Variants in OR10K2 observed in about 807,000 individuals in gnomAD.
The protein encoded by OR10K2 is olfactory receptor 10K2.
For missense variants in OR10K2, 401 were observed against 367.1 expected, an observed-to-expected ratio of 1.09 and a Z score of -0.76; for synonymous variants, 169 against 146.4, an observed-to-expected ratio of 1.15 and a Z score of -1.11.
rs2101649590 is a variant in OR10K2 at position 158,425,868 on chromosome 1, T to C, written c.-62+65A>G. 1.3e-5 allele frequency: 2 copies of C among 152,260 alleles called. 1 individual carries two copies. The highest frequency in any genetic ancestry group is 4.1e-4 in the South Asian group (2 of 4,832). The allele number at this position is 152,260 out of a possible 1,614,324, so 9.4% of individuals were successfully genotyped here. On this transcript the variant is annotated intron_variant, in intron 1 of 1. Transcript: ENST00000641042. Reference sequence around the variant, plus strand: ...TTAACATTATTTGATGTACTTTTAATTGTGAGTCTCTCTTTCTGTTATTGG... The same window carrying C: ...TTAACATTATTTGATGTACTTTTAACTGTGAGTCTCTCTTTCTGTTATTGG...
At position 158,420,255 on chromosome 1, in the gene OR10K2, T is replaced by G; in HGVS notation, c.612A>C (p.Thr204=). 13 of 1,613,720 alleles carry G rather than the reference T, an allele frequency of 8.1e-6. No individual in the cohort carries two copies. The highest frequency in any genetic ancestry group is 1.1e-5 in the Non-Finnish European group (13 of 1,179,866). The stretch of plus-strand genomic sequence containing the variant: ...ACAATAAGGGGATAGCCAGGACCAA[T>G]GTACAGAGCATGAAGATGACAATCT... ...FSQIVIFMLC[T]LVLAIPLLLI... The change falls in exon 2 of 2, where the codon ACA becomes ACC. Residue 204 remains threonine, a synonymous_variant. Transcript: ENST00000641042.
At position 158,420,544 on chromosome 1, in the gene OR10K2, C is replaced by T; in HGVS notation, c.323G>A (p.Gly108Asp). ...TGCCAGCAGAAAGGAGTGAGAGCAG[C>T]CAAGGAAGAGGAAGGAAAACATTTG... ...AIQMFSFLFL[G>D]CSHSFLLAVM... The change falls in exon 2 of 2, where the codon GGC becomes GAC. Residue 108 changes from glycine to aspartate, a missense_variant. Transcript: ENST00000641042. The T allele has an allele frequency of 1.2e-6, 2 of 1,613,676 alleles. No individual in the cohort carries two copies. The highest frequency in any genetic ancestry group is 1.7e-4 in the Middle Eastern group (1 of 6,058).
Position 158,418,879 on chromosome 1 carries a change from A to G in OR10K2, c.*1049T>C, listed in dbSNP as rs1655088722. On this transcript the variant is annotated 3_prime_UTR_variant, in exon 2 of 2. Transcript: ENST00000641042. ...CTTGAGTTGCATGGAGAACAGATTG[A>G]TTGTTCCATATGCAAAGCTTTCCAC... is the stretch of plus-strand genomic sequence containing the variant. The G allele has an allele frequency of 1.3e-5, 2 of 152,122 alleles. No homozygotes were observed. Among genetic ancestry groups the G allele is most frequent in the South Asian group, 4.1e-4 (2 of 4,832 alleles). The allele number at this position is 152,122 out of a possible 1,614,324, so 9.4% of individuals were successfully genotyped here.
At chr1:158,421,891 T>C (rs1655164851) in intron 1 of OR10K2, among the ~76,000 whole-genome samples, 1 of 152,124 alleles carries the variant, frequency 6.6e-6, no homozygotes, top group Non-Finnish European at 1.5e-5. Flanking sequence ...TGCCCAAATA[T>C]GTTCTGGACT....
intron 1 of OR10K2, among the ~76,000 whole-genome samples, chr1:158,424,336 A>T (rs1655212452): frequency 6.6e-6 from 1 of 151,996 alleles, no homozygotes; most frequent in Non-Finnish European, 1.5e-5. Context: ...TGTTGAGGTC[A>T]CACACTCAAA....
Position 158,419,638 on chromosome 1 carries a change from A to C in OR10K2, c.*290T>G. 6.1e-6 allele frequency: 1 copy of C among 163,932 alleles called. No homozygotes were observed. The highest frequency in any genetic ancestry group is 2.6e-5 in the African/African-American group (1 of 37,764). 10.2% of individuals were successfully genotyped at this position (163,932 alleles called of 1,614,324 possible). On this transcript the variant is annotated 3_prime_UTR_variant, in exon 2 of 2. Transcript: ENST00000641042. Reference sequence around the variant, plus strand: ...TTTTTTTTTTTTTTTTTTTTGAGACAGAGTCTTACTCTGTCGCCCAGGCTG... The same window carrying C: ...TTTTTTTTTTTTTTTTTTTTGAGACCGAGTCTTACTCTGTCGCCCAGGCTG...
Position 158,419,825 on chromosome 1 carries a change from T to C in OR10K2, c.*103A>G. On this transcript the variant is annotated 3_prime_UTR_variant, in exon 2 of 2. Transcript: ENST00000641042. Reference sequence around the variant, plus strand: ...TAGGATTTCACTATGTTGGCCAGGCTGGTCTTGAAGTCCTGACCTCAGGTG... The same window carrying C: ...TAGGATTTCACTATGTTGGCCAGGCCGGTCTTGAAGTCCTGACCTCAGGTG... 1.2e-6 allele frequency: 1 copy of C among 857,708 alleles called. No individual in the cohort carries two copies. The allele number at this position is 857,708 out of a possible 1,614,324, so 53.1% of individuals were successfully genotyped here.
chr1:158,423,355 C>T (rs186582809), intron 1 of OR10K2, among the ~76,000 whole-genome samples: 1 of 151,600 alleles, frequency 6.6e-6, no homozygotes, highest in Admixed American at 6.6e-5. Context: ...AAATTTTCCT[C>T]TCACAAGCAC....
intron 1 of OR10K2, among the ~76,000 whole-genome samples, chr1:158,423,639 C>G (rs912201855): frequency 6.6e-6 from 1 of 151,898 alleles, no homozygotes; most frequent in South Asian, 2.1e-4. Flanking sequence ...GTATTGGTAT[C>G]AGAAATATTT....
At chr1:158,421,242 A>C (rs867794535) in intron 1 of OR10K2, among the ~76,000 whole-genome samples, 1 of 151,258 alleles carries the variant, frequency 6.6e-6, no homozygotes, top group Non-Finnish European at 1.5e-5. Flanking sequence ...TATTCTCTCA[A>C]AAAAAAAATC....
chr1:158,419,848 G>T lies in OR10K2; in HGVS notation c.*80C>A. The T allele has an allele frequency of 8.3e-7, 1 of 1,211,122 alleles. No homozygotes were observed. The highest frequency in any genetic ancestry group is 1.2e-6 in the Non-Finnish European group (1 of 854,108). 75.0% of individuals were successfully genotyped at this position (1,211,122 alleles called of 1,614,324 possible). Reference sequence around the variant, plus strand: ...GCTGGTCTTGAAGTCCTGACCTCAGGTGATCCACCTGTCTCAGCCTTCCAA... The same window carrying T: ...GCTGGTCTTGAAGTCCTGACCTCAGTTGATCCACCTGTCTCAGCCTTCCAA... On this transcript the variant is annotated 3_prime_UTR_variant, in exon 2 of 2. Transcript: ENST00000641042.
chr1:158,420,043 G>C lies in OR10K2; in HGVS notation c.824C>G (p.Ser275Ter). The C allele has an allele frequency of 6.2e-7, 1 of 1,613,584 alleles. No homozygotes were observed. The highest frequency in any genetic ancestry group is 8.5e-7 in the Non-Finnish European group (1 of 1,179,692). The change falls in exon 2 of 2, where the codon TCA becomes TGA. Residue 275 changes from serine to a stop codon, truncating the protein, a stop_gained. Coordinates refer to ENST00000641042, the MANE Select transcript of OR10K2 (RefSeq NM_001004476.2). LOFTEE classifies it low-confidence loss of function (END_TRUNC). The part of the protein sequence containing the change: ...NYSSSQDALI[S>*]VSYTIITPLF... The stretch of plus-strand genomic sequence containing the variant: ...TGGAGTTATAATAGTGTAGGATACT[G>C]ATATTAGAGCATCCTGGCTTGAGGA...
chr1:158,424,860 G>T (rs115983845), intron 1 of OR10K2, among the ~76,000 whole-genome samples: 1 of 151,838 alleles, frequency 6.6e-6, no homozygotes, highest in South Asian at 2.1e-4. Flanking sequence ...TTTCAACTTT[G>T]CTATGTATTA....
At chr1:158,421,538 A>G (rs915198876) in intron 1 of OR10K2, among the ~76,000 whole-genome samples, 1 of 152,108 alleles carries the variant, frequency 6.6e-6, no homozygotes, top group Admixed American at 6.6e-5. Context: ...GAATATGTCT[A>G]CACTTTCTCT....
chr1:158,419,938 G>A lies in OR10K2; in HGVS notation c.929C>T (p.Ser310Phe). The A allele has an allele frequency of 6.2e-7, 1 of 1,608,084 alleles. No individual in the cohort carries two copies. The highest frequency in any genetic ancestry group is 1.7e-4 in the Middle Eastern group (1 of 6,000). ...GAATCAAGATTAATTTTACAACAGGGAAATTGTTCTTCTCACAATTTTACA... is the reference window on the plus strand; with the variant it reads ...GAATCAAGATTAATTTTACAACAGGAAAATTGTTCTTCTCACAATTTTACA... ...ALCKIVRRTISLL is the reference protein window; with the variant it reads ...ALCKIVRRTIFLL The change falls in exon 2 of 2, where the codon TCC becomes TTC. Residue 310 changes from serine (S) to phenylalanine (F), a missense_variant. Ser to Phe is a radical substitution (Grantham distance 155). Coordinates refer to ENST00000641042, the MANE Select transcript of OR10K2 (RefSeq NM_001004476.2).
At position 158,419,984 on chromosome 1, in the gene OR10K2, T is replaced by C; in HGVS notation, c.883A>G (p.Lys295Glu). 3.1e-6 allele frequency: 5 copies of C among 1,613,148 alleles called. No homozygotes were observed. Among genetic ancestry groups the C allele is most frequent in the Non-Finnish European group, 4.2e-6 (5 of 1,179,442 alleles). Residue 295 changes from lysine (K) to glutamate (E), a missense_variant, in exon 2 of 2, where the codon AAA (lysine) becomes GAA (glutamate). Lys to Glu is a moderately conservative substitution (Grantham distance 56, BLOSUM62 1). Coordinates refer to ENST00000641042, the MANE Select transcript of OR10K2 (RefSeq NM_001004476.2). ...FNPMIYSLRNKEFKSALCKIV... is the reference protein window; with the variant it reads ...FNPMIYSLRNEEFKSALCKIV... ...TTACAAAGAGCTGATTTGAACTCTTTATTTCTCAAGCTATAAATCATTGGG... is the reference window on the plus strand; with the variant it reads ...TTACAAAGAGCTGATTTGAACTCTTCATTTCTCAAGCTATAAATCATTGGG...
intron 1 of OR10K2, among the ~76,000 whole-genome samples, chr1:158,421,529 A>C (rs1655156692): frequency 6.6e-6 from 1 of 152,086 alleles, no homozygotes. Context: ...TTCAAGGTGG[A>C]ATATGTCTAC....
At chr1:158,423,798 T>G (rs1408000450) in intron 1 of OR10K2, among the ~76,000 whole-genome samples, 1 of 151,936 alleles carries the variant, frequency 6.6e-6, no homozygotes, top group East Asian at 1.9e-4. Context: ...TTCCACGGAG[T>G]TCTGTTTTGC....
rs1160399494 is a variant in OR10K2, at chr1:158,419,906, C to A, written c.*22G>T. ...GGATTACAGTCGTGAGAAACTGCAC[C>A]TGGCCAGAATCAAGATTAATTTTAC... On this transcript the variant is annotated 3_prime_UTR_variant, in exon 2 of 2. Transcript: ENST00000641042. 6.3e-7 allele frequency: 1 copy of A among 1,589,846 alleles called. No homozygotes were observed. The highest frequency in any genetic ancestry group is 8.6e-7 in the Non-Finnish European group (1 of 1,166,700).
Sources: allele counts gnomAD v4.1 joint callset (sites outside exome capture counted in the v4.1 genomes callset), GRCh38; gene constraint gnomAD v4.1.1; transcripts MANE v1.5; gene names NCBI Gene and HGNC (gene_info 2026-07-23, HGNC 2026-07-21).